The following CFAP92 variants were observed in gnomAD, a reference collection of about 807,000 sequenced individuals.
CFAP92 encodes the protein cilia and flagella associated protein 92 (putative).
Under a neutral mutation model 106.3 loss-of-function variants are expected in CFAP92, and 86 were observed. The ratio of observed to expected loss-of-function variants is 0.81; its 90% CI spans 0.68 to 0.97. CFAP92 has a LOEUF of 0.97. CFAP92 is among the 50% of genes least tolerant of loss of function. The pLI is 0.00. For synonymous variants in CFAP92, 477 were observed against 506.4 expected (o/e 0.94, Z 0.78); for missense variants, 1,204 against 1,283.8 (o/e 0.94, Z 0.95).
At chr3:128,997,208 G>A (rs747566427), upstream of CFAP92, among the ~76,000 whole-genome samples, 13 of 152,312 alleles carry the variant, frequency 8.5e-5, no homozygotes, top group Admixed American at 2.6e-4. Context: ...CACAGGCTAT[G>A]TAGAGGCCTT....
intron 1 of CFAP92, 164 bp downstream of exon 1, chr3:128,993,816 G>T: frequency 2.4e-6 from 1 of 424,128 alleles, no homozygotes; most frequent in Non-Finnish European, 3.3e-6. Flanking sequence ...ACATGAATGT[G>T]CACTGGGTGC....
At position 128,988,609 on chromosome 3, in the gene CFAP92, C is replaced by T. The variant is rs1576640066; in HGVS notation, c.453+119G>A. 5.4e-5 allele frequency: 56 copies of T among 1,037,872 alleles called. No individual in the cohort carries two copies. In the South Asian group the frequency reaches 6.8e-4, roughly 13 times the overall value. 64.3% of individuals were successfully genotyped at this position (1,037,872 alleles called of 1,614,324 possible). On this transcript the variant is annotated intron_variant, in intron 3 of 15. Transcript: ENST00000645291. ...AGATTCCCACTCAGGAGGTGGGGCCCGGGATCCTCCAATTCTAGCAAGCTG... is the reference window on the plus strand; with the variant it reads ...AGATTCCCACTCAGGAGGTGGGGCCTGGGATCCTCCAATTCTAGCAAGCTG...
At chr3:128,914,142 C>T (rs897398965) in intron 15 of CFAP92, among the ~76,000 whole-genome samples, 1 of 152,200 alleles carries the variant, frequency 6.6e-6, no homozygotes, top group African/African-American at 2.4e-5. Flanking sequence ...GTGATTTCAC[C>T]AGTGAAACCC....
chr3:129,025,861 C>T, the CFAP92 span, among the ~76,000 whole-genome samples: 2 of 152,242 alleles, frequency 1.3e-5, no homozygotes, highest in Admixed American at 1.3e-4. Context: ...GCTCTGTTCT[C>T]TTCCCAGCTT....
At position 128,975,794 on chromosome 3, in the gene CFAP92, T is replaced by C. The variant is rs757646139; in HGVS notation, c.1006A>G (p.Arg336Gly). ...SLSSLTNILD[R>G]QRSQIKGKDS... ...CCTAACTTACTTTGAGACCTTTGTCTGTCTAATATGTTTGTTAAGCTGCTA... is the reference window on the plus strand; with the variant it reads ...CCTAACTTACTTTGAGACCTTTGTCCGTCTAATATGTTTGTTAAGCTGCTA... Residue 336 changes from arginine to glycine, a missense_variant, in exon 7 of 16, where the codon AGA (arginine) becomes GGA (glycine). By Grantham distance (125) the Arg-to-Gly change is moderately radical (BLOSUM62 -2). Coordinates refer to ENST00000645291, the MANE Select transcript of CFAP92 (RefSeq NM_001394090.1). 3 of 1,595,800 alleles carry C rather than the reference T, an allele frequency of 1.9e-6. No homozygotes were observed. The highest frequency in any genetic ancestry group is 1.7e-6 in the Non-Finnish European group (2 of 1,171,488).
chr3:129,011,628 T>C, the CFAP92 span, among the ~76,000 whole-genome samples: 1 of 151,146 alleles, frequency 6.6e-6, no homozygotes, highest in East Asian at 1.9e-4. Context: ...CAGGGCAGGA[T>C]CACAAAGGGG....
chr3:128,931,877 T>A (rs1017209299), intron 12 of CFAP92, among the ~76,000 whole-genome samples: 1 of 150,478 alleles, frequency 6.6e-6, no homozygotes, highest in Non-Finnish European at 1.5e-5. Context: ...GTAAAAAAAA[T>A]TAACCAGGTG....
chr3:129,003,746 A>G (rs986626623), upstream of CFAP92: 40 of 1,321,650 alleles, frequency 3.0e-5, 1 homozygote, highest in East Asian at 1.0e-3. Flanking sequence ...CGTCTGGTGC[A>G]TCTGGCTGGG....
intron 1 of CFAP92, among the ~76,000 whole-genome samples, chr3:129,001,441 C>G (rs987263010): frequency 6.6e-6 from 1 of 152,246 alleles, no homozygotes; most frequent in Non-Finnish European, 1.5e-5. Context: ...CAGGCCCCTC[C>G]AAAGCAACTG....
intron 7 of CFAP92, among the ~76,000 whole-genome samples, chr3:128,974,154 G>A (rs1475273718): frequency 6.6e-6 from 1 of 152,206 alleles, no homozygotes; most frequent in Non-Finnish European, 1.5e-5. Context: ...GCACCCAGCA[G>A]AGAGCCTGGC....
chr3:128,962,987 C>T (rs1465421425), intron 9 of CFAP92, among the ~76,000 whole-genome samples: 1 of 152,204 alleles, frequency 6.6e-6, no homozygotes, highest in Non-Finnish European at 1.5e-5. Flanking sequence ...CACCCGTCAT[C>T]CCAGCCTCTC....
intron 10 of CFAP92, among the ~76,000 whole-genome samples, chr3:128,940,362 G>A (rs1329772721): frequency 1.3e-5 from 2 of 152,136 alleles, no homozygotes; most frequent in Admixed American, 1.3e-4. Flanking sequence ...TGATATTCCT[G>A]GGTCATATGG....
intron 8 of CFAP92, chr3:128,971,071 C>G: frequency 3.2e-6 from 2 of 626,198 alleles, no homozygotes; most frequent in Non-Finnish European, 5.4e-6. Context: ...CCAGGCTTCA[C>G]ATTTCCTAGC....
chr3:129,007,302 G>A (rs184252616), upstream of CFAP92, among the ~76,000 whole-genome samples: 15 of 152,304 alleles, frequency 9.8e-5, no homozygotes, highest in East Asian at 2.9e-3. Context: ...AATCAGCCCC[G>A]TCCTCTGCAG....
intron 1 of CFAP92, among the ~76,000 whole-genome samples, chr3:129,000,149 G>A (rs1296018108): frequency 6.6e-6 from 1 of 152,252 alleles, no homozygotes; most frequent in Non-Finnish European, 1.5e-5. Context: ...CAATGATGCA[G>A]TGAACATCCT....
chr3:128,910,381 C>T (rs1936141602), intron 15 of CFAP92, 48 bp from the exon 16 acceptor site: 3 of 1,451,252 alleles, frequency 2.1e-6, no homozygotes, highest in Middle Eastern at 2.1e-4. Flanking sequence ...CCCAGTGCCC[C>T]TACCCCCAGC....
intron 10 of CFAP92, among the ~76,000 whole-genome samples, chr3:128,937,128 C>T (rs1939102665): frequency 6.6e-6 from 1 of 151,158 alleles, no homozygotes; most frequent in Non-Finnish European, 1.5e-5. Flanking sequence ...TGGTGAAACC[C>T]CATCTCTACA....
At chr3:128,994,865 C>T (rs1944422639), upstream of CFAP92, among the ~76,000 whole-genome samples, 1 of 152,060 alleles carries the variant, frequency 6.6e-6, no homozygotes, top group African/African-American at 2.4e-5. Flanking sequence ...TAGGCAGAGG[C>T]GGTGAAAGCA....
chr3:129,026,178 C>G, the CFAP92 span, among the ~76,000 whole-genome samples: 1 of 152,196 alleles, frequency 6.6e-6, no homozygotes, highest in Non-Finnish European at 1.5e-5. Context: ...CGTTGCTGTC[C>G]GTGCAGGAAG....
Sources: allele counts gnomAD v4.1 joint callset (sites outside exome capture counted in the v4.1 genomes callset), GRCh38; gene constraint gnomAD v4.1.1; transcripts MANE v1.5; gene names NCBI Gene and HGNC (gene_info 2026-07-23, HGNC 2026-07-21).